FOXP2: variants seen among roughly 807,000 people sequenced by gnomAD.
The protein encoded by FOXP2 is forkhead box P2, also known as forkhead box protein P2.
In FOXP2, 12 loss-of-function variants were observed where a neutral mutation model predicts 115.8. That is an observed-to-expected ratio of 0.10 (90% CI 0.07 to 0.17). FOXP2 has a LOEUF of 0.17. Among genes scored for constraint, FOXP2 ranks in the 10% least tolerant of loss-of-function variants. The pLI is 1.00. For missense variants in FOXP2, 629 were observed against 843.5 expected, an observed-to-expected ratio of 0.75 and a Z score of 3.15; for synonymous variants, 328 against 297.7, an observed-to-expected ratio of 1.10 and a Z score of -1.05.
At chr7:114,567,961 G>A (rs1187868683) in intron 3 of FOXP2, among the ~76,000 whole-genome samples, 1 of 152,086 alleles carries the variant, frequency 6.6e-6, no homozygotes, top group East Asian at 1.9e-4. Context: ...TTCAGTTGCA[G>A]AAACTATTGA....
At chr7:114,526,723 T>G (rs1798893695) in intron 2 of FOXP2, among the ~76,000 whole-genome samples, 1 of 152,032 alleles carries the variant, frequency 6.6e-6, no homozygotes, top group African/African-American at 2.4e-5. Flanking sequence ...CCTTTTTGAG[T>G]TTTTGATGTT....
At chr7:114,641,831 A>T (rs1352618583) in intron 6 of FOXP2, among the ~76,000 whole-genome samples, 1 of 151,388 alleles carries the variant, frequency 6.6e-6, no homozygotes, top group Non-Finnish European at 1.5e-5. Context: ...TGTTTGAGAG[A>T]GGGTCTCACT....
At chr7:114,249,920 G>T (rs1490122253) in intron 1 of FOXP2, among the ~76,000 whole-genome samples, 1 of 151,540 alleles carries the variant, frequency 6.6e-6, no homozygotes, top group African/African-American at 2.4e-5. Context: ...TTTACATTAG[G>T]TATATCTCCT....
At chr7:114,360,546 C>G (rs754448139) in intron 2 of FOXP2, among the ~76,000 whole-genome samples, 5 of 152,136 alleles carry the variant, frequency 3.3e-5, no homozygotes, top group Non-Finnish European at 7.4e-5. Flanking sequence ...TACTCCCAAA[C>G]CTTCCCTATT....
At chr7:114,490,263 AAAGAT>A (rs1442145664) in intron 2 of FOXP2, among the ~76,000 whole-genome samples, 1 of 152,148 alleles carries the variant, frequency 6.6e-6, no homozygotes, top group Non-Finnish European at 1.5e-5. Flanking sequence ...CAAACTGTGA[AAAGAT>A]AAGGAGGAAA....
chr7:114,583,371 G>A (rs570435868), intron 3 of FOXP2, among the ~76,000 whole-genome samples: 86 of 151,510 alleles, frequency 5.7e-4, no homozygotes, highest in African/African-American at 2.0e-3. Context: ...GAGTAAGCCT[G>A]TCTCAAAAAA....
chr7:114,388,407 T>TTTTA (rs34166936), intron 2 of FOXP2, among the ~76,000 whole-genome samples: 2 of 150,170 alleles, frequency 1.3e-5, no homozygotes, highest in Admixed American at 6.6e-5. Flanking sequence ...TTTTTTTTTT[T>TTTTA]AGTCTCTGAG....
chr7:114,576,581 T>C (rs1396260762), intron 3 of FOXP2, among the ~76,000 whole-genome samples: 1 of 151,908 alleles, frequency 6.6e-6, no homozygotes, highest in Admixed American at 6.6e-5. Flanking sequence ...GTCAGTGGTT[T>C]TGTTGTTGTT....
intron 11 of FOXP2, 72 bp downstream of exon 11, chr7:114,658,339 G>A: frequency 1.4e-6 from 2 of 1,455,150 alleles, no homozygotes; most frequent in Non-Finnish European, 1.9e-6. Context: ...AACTGTACAT[G>A]AGCCATTCCA....
At chr7:114,456,612 C>A (rs1030573795) in intron 2 of FOXP2, among the ~76,000 whole-genome samples, 2 of 152,128 alleles carry the variant, frequency 1.3e-5, no homozygotes, top group East Asian at 3.8e-4. Context: ...AAATAGACTA[C>A]CTCTAAGAAT....
At chr7:114,516,053 A>G (rs1798325971) in intron 2 of FOXP2, among the ~76,000 whole-genome samples, 1 of 152,192 alleles carries the variant, frequency 6.6e-6, no homozygotes, top group South Asian at 2.1e-4. Flanking sequence ...GAATTGGAAA[A>G]AACTACTTTA....
chr7:114,591,795 G>A (rs1376771778), intron 3 of FOXP2, among the ~76,000 whole-genome samples: 1 of 152,082 alleles, frequency 6.6e-6, no homozygotes, highest in Non-Finnish European at 1.5e-5. Flanking sequence ...ATAGGAGGTC[G>A]AGTGTTCTCT....
intron 1 of FOXP2, among the ~76,000 whole-genome samples, chr7:114,214,467 G>C (rs997242431): frequency 1.3e-5 from 2 of 152,176 alleles, no homozygotes; most frequent in African/African-American, 4.8e-5. Flanking sequence ...AGAAGTAACT[G>C]TGTAATATTT....
intron 1 of FOXP2, among the ~76,000 whole-genome samples, chr7:114,155,636 A>T (rs948331200): frequency 2.0e-5 from 3 of 152,100 alleles, no homozygotes; most frequent in African/African-American, 7.2e-5. Flanking sequence ...TGTCTGTGTC[A>T]TGTGGCACGA....
In FOXP2 at chr7:114,659,307, T is replaced by C. The variant is rs746296773; in HGVS notation, c.1469-49T>C. ...GAGGAAATATGAAAATTCAATTATATATAATGTGAATTATTAGCAGAATTA... is the reference window on the plus strand; with the variant it reads ...GAGGAAATATGAAAATTCAATTATACATAATGTGAATTATTAGCAGAATTA... On this transcript the variant is annotated intron_variant, in intron 11 of 16. Transcript: ENST00000350908. The C allele has an allele frequency of 8.5e-6, 11 of 1,290,710 alleles. No homozygotes were observed. In the South Asian group the frequency reaches 1.3e-4, roughly 15 times the overall value. 80.0% of individuals were successfully genotyped at this position (1,290,710 alleles called of 1,614,324 possible).
chr7:114,398,182 A>G (rs952756317), intron 2 of FOXP2, among the ~76,000 whole-genome samples: 33 of 152,156 alleles, frequency 2.2e-4, no homozygotes, highest in Non-Finnish European at 3.8e-4. Context: ...AGTAAATTGG[A>G]TATTTGCAGT....
chr7:114,689,676 G>T, intron 16 of FOXP2, 106 bp from the exon 17 acceptor site: 1 of 1,096,442 alleles, frequency 9.1e-7, no homozygotes, highest in South Asian at 1.3e-5. Context: ...GAAAGACAAT[G>T]TTGTGTCTTC....
chr7:114,563,019 A>T (rs1800828356), intron 3 of FOXP2, among the ~76,000 whole-genome samples: 3 of 152,134 alleles, frequency 2.0e-5, no homozygotes, highest in South Asian at 4.1e-4. Flanking sequence ...GAGTAAAGGC[A>T]CATCTTACAT....
chr7:114,236,059 T>A (rs1402505699), intron 1 of FOXP2, among the ~76,000 whole-genome samples: 1 of 152,198 alleles, frequency 6.6e-6, no homozygotes, highest in East Asian at 1.9e-4. Context: ...TTTGAGTTAT[T>A]TATGGTTCCC....
Sources: gnomAD v4.1 joint callset for allele counts (sites outside exome capture counted in the v4.1 genomes callset) on GRCh38, gnomAD v4.1.1 for gene constraint, MANE v1.5 for transcripts, NCBI Gene and HGNC (gene_info 2026-07-23, HGNC 2026-07-21) for gene names.